The following EBF2 variants were observed in gnomAD, a reference collection of about 807,000 sequenced individuals.
EBF2 encodes the protein EBF transcription factor 2.
In EBF2, 21 loss-of-function variants were observed where a neutral mutation model predicts 72.8. The ratio of observed to expected loss-of-function variants is 0.29; its 90% CI spans 0.20 to 0.42. The LOEUF is 0.42. Ranked by LOEUF, EBF2 falls within the 10% of genes least tolerant of loss-of-function variation. The pLI is 1.00. For missense variants in EBF2, 637 were observed against 731.2 expected (o/e 0.87, Z 1.49); for synonymous variants, 299 against 274.2 (o/e 1.09, Z -0.89).
At chr8:25,879,442 C>T (rs770981694) in intron 10 of EBF2, among the ~76,000 whole-genome samples, 2 of 152,208 alleles carry the variant, frequency 1.3e-5, no homozygotes, top group African/African-American at 4.8e-5. Context: ...AGGGCACATA[C>T]ATCTTCAGGT....
At chr8:26,026,502 T>C (rs986745880) in intron 6 of EBF2, among the ~76,000 whole-genome samples, 1 of 152,208 alleles carries the variant, frequency 6.6e-6, no homozygotes, top group Admixed American at 6.5e-5. Flanking sequence ...TGAAATGTTC[T>C]TGGGCCCAAC....
In EBF2 at chr8:25,858,146, A is replaced by G. The variant is rs763617021; in HGVS notation, c.1528+173T>C. On this transcript the variant is annotated intron_variant, in intron 14 of 15. Transcript: ENST00000520164. ...AAGGCCTTGAGTAACCACGTGAGCC[A>G]AAGTCCAGCTAAGGGAAAAGAACGA... is the stretch of plus-strand genomic sequence containing the variant. 2.4e-5 allele frequency: 20 copies of G among 847,684 alleles called. No homozygotes were observed. In the East Asian group the frequency reaches 3.7e-4, roughly 16 times the overall value. The allele number at this position is 847,684 out of a possible 1,614,324, so 52.5% of individuals were successfully genotyped here.
intron 5 of EBF2, among the ~76,000 whole-genome samples, chr8:26,038,666 A>G (rs559719567): frequency 6.6e-5 from 10 of 152,354 alleles, no homozygotes; most frequent in African/African-American, 2.4e-4. Context: ...TTCTTTCTGA[A>G]CAAATCTATC....
rs770332437 is a variant in EBF2 at position 25,858,095 on chromosome 8, T to C, written c.1528+224A>G. 19 of 677,954 alleles carry C rather than the reference T, an allele frequency of 2.8e-5. 1 individual carries two copies. Among genetic ancestry groups the C allele is most frequent in the Non-Finnish European group, 4.0e-5 (15 of 371,752 alleles). 42.0% of individuals were successfully genotyped at this position (677,954 alleles called of 1,614,324 possible). A position where few individuals can be genotyped will look rare whatever the true frequency, so the allele number is the denominator to read the frequency against. ...ATGCTCTTTCTCTATAAAAACGGAA[T>C]TGTTTCAATCCTTTTCTTTCCCCAA... is the stretch of plus-strand genomic sequence containing the variant. On this transcript the variant is annotated intron_variant, in intron 14 of 15. Coordinates refer to ENST00000520164, the MANE Select transcript of EBF2 (RefSeq NM_022659.4).
intron 6 of EBF2, among the ~76,000 whole-genome samples, chr8:25,930,346 T>C (rs1803459417): frequency 6.6e-6 from 1 of 152,234 alleles, no homozygotes; most frequent in Non-Finnish European, 1.5e-5. Flanking sequence ...ACTTCATAGC[T>C]GTGTGACTTT....
At chr8:25,978,294 A>T (rs1473177353) in intron 6 of EBF2, among the ~76,000 whole-genome samples, 1 of 152,274 alleles carries the variant, frequency 6.6e-6, no homozygotes, top group East Asian at 1.9e-4. Flanking sequence ...TGGCCGCGCC[A>T]CATGGAAGGA....
intron 6 of EBF2, among the ~76,000 whole-genome samples, chr8:25,940,228 A>G (rs985964802): frequency 1.3e-5 from 2 of 152,212 alleles, no homozygotes; most frequent in Non-Finnish European, 2.9e-5. Context: ...GCTATGACTT[A>G]TGTTTGAAGA....
At chr8:25,869,617 C>T (rs906026013) in intron 10 of EBF2, among the ~76,000 whole-genome samples, 1 of 152,098 alleles carries the variant, frequency 6.6e-6, no homozygotes, top group Non-Finnish European at 1.5e-5. Context: ...GGCCATCTTA[C>T]CTAGAAACAC....
At chr8:25,865,293 A>G (rs1454406362) in intron 10 of EBF2, among the ~76,000 whole-genome samples, 1 of 152,120 alleles carries the variant, frequency 6.6e-6, no homozygotes, top group African/African-American at 2.4e-5. Context: ...TTTGTTTACC[A>G]TTTTAATTTT....
At chr8:25,883,201 G>A (rs1682431893) in intron 10 of EBF2, among the ~76,000 whole-genome samples, 1 of 152,110 alleles carries the variant, frequency 6.6e-6, no homozygotes. Context: ...CTCCCCTTTT[G>A]CTAGGTACTG....
At chr8:25,874,853 CTTT>C (rs1183233269) in intron 10 of EBF2, among the ~76,000 whole-genome samples, 6 of 99,574 alleles carry the variant, frequency 6.0e-5, no homozygotes, top group African/African-American at 2.3e-4. Flanking sequence ...GCCTGGCTAA[CTTT>C]TTTTTTTTTT....
intron 6 of EBF2, among the ~76,000 whole-genome samples, chr8:25,985,716 G>A (rs1008973687): frequency 6.6e-6 from 1 of 152,108 alleles, no homozygotes; most frequent in Admixed American, 6.6e-5. Context: ...GCAAGGAAGT[G>A]AGGCCAGACA....
intron 6 of EBF2, among the ~76,000 whole-genome samples, chr8:25,936,680 G>A (rs1448281308): frequency 6.6e-6 from 1 of 152,174 alleles, no homozygotes; most frequent in Non-Finnish European, 1.5e-5. Flanking sequence ...TCATTTACAA[G>A]AGGGTTTCGT....
chr8:26,038,630 T>C (rs1805545240), intron 5 of EBF2, among the ~76,000 whole-genome samples: 2 of 152,240 alleles, frequency 1.3e-5, no homozygotes. Context: ...CTAGGTATTA[T>C]ATGAACTACA....
At chr8:25,960,049 C>T (rs1563193095) in intron 6 of EBF2, among the ~76,000 whole-genome samples, 1 of 152,136 alleles carries the variant, frequency 6.6e-6, no homozygotes, top group African/African-American at 2.4e-5. Flanking sequence ...GTCTATTTCC[C>T]TAAAGCAGTG....
At chr8:25,947,740 G>T (rs1256046869) in intron 6 of EBF2, among the ~76,000 whole-genome samples, 1 of 152,186 alleles carries the variant, frequency 6.6e-6, no homozygotes, top group Non-Finnish European at 1.5e-5. Context: ...TTCCCCCTGG[G>T]CTGCTGTTCC....
intron 7 of EBF2, among the ~76,000 whole-genome samples, chr8:25,903,187 G>GTTTTTTTT (rs542446501): frequency 7.5e-6 from 1 of 132,512 alleles, no homozygotes. Context: ...TTTTGTCTGG[G>GTTTTTTTT]TTTTTTTTTT....
intron 6 of EBF2, among the ~76,000 whole-genome samples, chr8:25,974,157 ACT>A (rs1462926878): frequency 6.6e-6 from 1 of 152,086 alleles, no homozygotes; most frequent in African/African-American, 2.4e-5. Context: ...ATGTTGTCTG[ACT>A]CTGATTTTAC....
chr8:25,904,792 C>A (rs1803009743), intron 7 of EBF2, among the ~76,000 whole-genome samples: 1 of 152,162 alleles, frequency 6.6e-6, no homozygotes, highest in Non-Finnish European at 1.5e-5. Flanking sequence ...TTCATAATAA[C>A]CTTCTCTATG....
Sources: allele counts gnomAD v4.1 joint callset (sites outside exome capture counted in the v4.1 genomes callset), GRCh38; gene constraint gnomAD v4.1.1; transcripts MANE v1.5; gene names NCBI Gene and HGNC (gene_info 2026-07-23, HGNC 2026-07-21).